Variants in DLG5 observed in about 807,000 individuals in gnomAD.
The protein encoded by DLG5 is disks large homolog 5.
Under a neutral mutation model 189.8 loss-of-function variants are expected in DLG5, and 48 were observed. The observed-to-expected ratio is 0.25, with a 90% confidence interval of 0.20 to 0.32. The LOEUF is 0.32. Among genes scored for constraint, DLG5 ranks in the 10% least tolerant of loss-of-function variants. The pLI is 1.00. For synonymous variants in DLG5, 1,016 were observed against 1,054.1 expected, an observed-to-expected ratio of 0.96 and a Z score of 0.70; for missense variants, 2,160 against 2,544.7, an observed-to-expected ratio of 0.85 and a Z score of 3.25.
chr10:77,879,694 G>A (rs1407806964), intron 1 of DLG5, among the ~76,000 whole-genome samples: 1 of 151,206 alleles, frequency 6.6e-6, no homozygotes, highest in Non-Finnish European at 1.5e-5. Context: ...CTGCTCATAG[G>A]CCCAATGTGG....
intron 5 of DLG5, among the ~76,000 whole-genome samples, chr10:77,848,196 C>T (rs1564544928): frequency 6.6e-6 from 1 of 152,160 alleles, no homozygotes; most frequent in Non-Finnish European, 1.5e-5. Flanking sequence ...GACCAACCCT[C>T]CTACCTGTAC....
intron 1 of DLG5, among the ~76,000 whole-genome samples, chr10:77,910,986 GGA>G (rs1846202971): frequency 2.4e-5 from 2 of 84,172 alleles, no homozygotes; most frequent in African/African-American, 5.4e-5. Flanking sequence ...TCTGTCTGAA[GGA>G]AAAAAAAAAA....
chr10:77,869,266 T>C, intron 1 of DLG5, 69 bp from the exon 2 acceptor site: 4 of 1,462,000 alleles, frequency 2.7e-6, no homozygotes, highest in Non-Finnish European at 3.8e-6. Flanking sequence ...AGCCAGCTGA[T>C]CATCAGTCAA....
chr10:77,909,761 CAGG>C (rs961817858), intron 1 of DLG5, among the ~76,000 whole-genome samples: 3 of 152,110 alleles, frequency 2.0e-5, no homozygotes, highest in African/African-American at 4.8e-5. Flanking sequence ...CCGTTTTTTT[CAGG>C]AGAAGGACTC....
chr10:77,850,077 A>T (rs559104775), intron 5 of DLG5, among the ~76,000 whole-genome samples: 1 of 152,270 alleles, frequency 6.6e-6, no homozygotes, highest in South Asian at 2.1e-4. Context: ...CATACCACAC[A>T]AAGTATGCAA....
upstream of DLG5, chr10:77,927,769 GTCTTC>G (rs1207906287): frequency 6.6e-6 from 1 of 152,216 alleles, no homozygotes; most frequent in Non-Finnish European, 1.5e-5. Flanking sequence ...GCCCAAGAAT[GTCTTC>G]TCTTCCACGA....
At chr10:77,891,994 AG>A (rs1187104375) in intron 1 of DLG5, among the ~76,000 whole-genome samples, 1 of 152,216 alleles carries the variant, frequency 6.6e-6, no homozygotes, top group Non-Finnish European at 1.5e-5. Context: ...TCAGAGACAC[AG>A]GCCCCCAGGG....
intron 1 of DLG5, among the ~76,000 whole-genome samples, chr10:77,890,386 C>T (rs1077695): frequency 0.045 from 6,925 of 152,228 alleles, 224 homozygotes; most frequent in African/African-American, 0.064. Context: ...TAGCTCAACT[C>T]ATCTCATCCA....
intron 7 of DLG5, among the ~76,000 whole-genome samples, chr10:77,839,611 CTCGGTCATTT>C (rs1843321306): frequency 6.6e-6 from 1 of 152,238 alleles, no homozygotes; most frequent in African/African-American, 2.4e-5. Context: ...CAGTTACTGA[CTCGGTCATTT>C]TCCAAGTTTC....
At chr10:77,838,628 G>T (rs572492611) in intron 7 of DLG5, among the ~76,000 whole-genome samples, 1 of 152,226 alleles carries the variant, frequency 6.6e-6, no homozygotes, top group African/African-American at 2.4e-5. Context: ...GGAGCAAGAC[G>T]TGCAGATAGA....
intron 20 of DLG5, among the ~76,000 whole-genome samples, chr10:77,814,484 T>C (rs1449531041): frequency 9.3e-6 from 1 of 108,032 alleles, no homozygotes; most frequent in Non-Finnish European, 1.7e-5. Flanking sequence ...TATATATATA[T>C]ATATATATAT....
chr10:77,904,512 G>A (rs1020897426), intron 1 of DLG5, among the ~76,000 whole-genome samples: 1 of 152,128 alleles, frequency 6.6e-6, no homozygotes, highest in Non-Finnish European at 1.5e-5. Context: ...TGAATTATAT[G>A]TCCCAGAATT....
intron 2 of DLG5, among the ~76,000 whole-genome samples, chr10:77,861,766 C>T (rs765197598): frequency 3.9e-5 from 6 of 152,334 alleles, no homozygotes; most frequent in Non-Finnish European, 7.3e-5. Context: ...TCAGCTCTGA[C>T]GCCAAAGCCA....
upstream of DLG5, chr10:77,926,915 C>T (rs915380661): frequency 2.6e-5 from 9 of 352,428 alleles, no homozygotes; most frequent in Non-Finnish European, 4.1e-5. The surrounding 1 kb of genome is among the most constrained non-coding windows in gnomAD (Gnocchi z 5.2). Flanking sequence ...CCCCGAAAGC[C>T]GGGCCGCGCG....
chr10:77,875,601 C>G (rs891472032), intron 1 of DLG5, among the ~76,000 whole-genome samples: 1 of 152,182 alleles, frequency 6.6e-6, no homozygotes, highest in African/African-American at 2.4e-5. Flanking sequence ...AGCCTGCACT[C>G]AAGAGCCACT....
chr10:77,908,429 C>A (rs572063511), intron 1 of DLG5, among the ~76,000 whole-genome samples: 142 of 152,254 alleles, frequency 9.3e-4, no homozygotes, highest in Non-Finnish European at 1.5e-3. Context: ...CAACCCATTC[C>A]CCTCTCCAGC....
chr10:77,919,893 G>A (rs2131864680), intron 1 of DLG5, among the ~76,000 whole-genome samples: 1 of 152,244 alleles, frequency 6.6e-6, no homozygotes, highest in South Asian at 2.1e-4. Flanking sequence ...CTGCCACCAT[G>A]AGGTCACCAC....
rs768068262 is a variant in DLG5, at chr10:77,926,174, G to A, written c.304+43C>T. 3 of 1,330,884 alleles carry A rather than the reference G, an allele frequency of 2.3e-6. No individual in the cohort carries two copies. The highest frequency in any genetic ancestry group is 1.5e-5 in the African/African-American group (1 of 65,898). 82.4% of individuals were successfully genotyped at this position (1,330,884 alleles called of 1,614,324 possible). A position where few individuals can be genotyped will look rare whatever the true frequency, so the allele number is the denominator to read the frequency against. On this transcript the variant is annotated intron_variant, in intron 1 of 31. Coordinates refer to ENST00000372391, the MANE Select transcript of DLG5 (RefSeq NM_004747.4). This position sits in a 1 kb window ranked among gnomAD's most constrained non-coding sequence, Gnocchi z 5.2. ...CCTCGGCCAGCAGGAGGGAGAAGCG[G>A]AGGGCGCGTCCCAGAGGCGGGGGCC...
rs1840924226 is a variant in DLG5, at chr10:77,796,413, G to C, written c.5308+38C>G. 3 of 1,614,006 alleles carry C rather than the reference G, an allele frequency of 1.9e-6. No homozygotes were observed. Among genetic ancestry groups the C allele is most frequent in the African/African-American group, 2.7e-5 (2 of 75,044 alleles). ...AGGTGGACAGGGACATAGAGACAAA[G>C]AGCCCAGTAGGCACAGAGGGTGCCC... is the stretch of plus-strand genomic sequence containing the variant. On this transcript the variant is annotated intron_variant, in intron 28 of 31. Coordinates refer to ENST00000372391, the MANE Select transcript of DLG5 (RefSeq NM_004747.4). This position sits in a 1 kb window ranked among gnomAD's most constrained non-coding sequence, Gnocchi z 5.2.
Sources: allele counts gnomAD v4.1 joint callset (sites outside exome capture counted in the v4.1 genomes callset), GRCh38; gene constraint gnomAD v4.1.1; non-coding constraint Gnocchi (gnomAD v3.1); transcripts MANE v1.5; gene names NCBI Gene and HGNC (gene_info 2026-07-23, HGNC 2026-07-21).